Variants in SPATA13 observed in about 807,000 individuals in gnomAD.
The protein encoded by SPATA13 is spermatogenesis-associated protein 13.
SPATA13 carries 50 observed loss-of-function variants against 104.0 expected under a neutral mutation model. The ratio of observed to expected loss-of-function variants is 0.48; its 90% CI spans 0.38 to 0.61. The LOEUF (loss-of-function observed/expected upper bound fraction) is 0.61, where lower values mean the gene tolerates loss of function less well. Among genes scored for constraint, SPATA13 ranks in the 20% least tolerant of loss-of-function variants. SPATA13 has a pLI of 0.00. For synonymous variants in SPATA13, 606 were observed against 667.5 expected (o/e 0.91, Z 1.42); for missense variants, 1,524 against 1,690.6 (o/e 0.90, Z 1.73).
chr13:24,254,321 C>T (rs1033836009), intron 4 of SPATA13: 1 of 152,138 alleles, frequency 6.6e-6, no homozygotes, highest in East Asian at 1.9e-4. Flanking sequence ...CCTAAGAAGC[C>T]GCTTCTATGT....
At chr13:24,035,823 G>A (rs1318836160) in intron 3 of SPATA13, among the ~76,000 whole-genome samples, 2 of 151,996 alleles carry the variant, frequency 1.3e-5, no homozygotes, top group Non-Finnish European at 2.9e-5. Flanking sequence ...AGACCAGCCT[G>A]GCTAACATGG....
intron 10 of SPATA13, among the ~76,000 whole-genome samples, chr13:24,296,293 A>G (rs1240080394): frequency 6.6e-6 from 1 of 152,186 alleles, no homozygotes; most frequent in African/African-American, 2.4e-5. Context: ...TAGAAGAACT[A>G]TTTTGGAGTC....
At chr13:24,124,043 G>T (rs1268511730) in intron 3 of SPATA13, among the ~76,000 whole-genome samples, 1 of 152,104 alleles carries the variant, frequency 6.6e-6, no homozygotes, top group African/African-American at 2.4e-5. Context: ...TGGGCCTGGG[G>T]TCCTGGACAC....
chr13:24,249,463 T>G lies in SPATA13; in HGVS notation c.1654-14T>G. On this transcript the variant is annotated splice_polypyrimidine_tract_variant and intron_variant, in intron 2 of 12. Coordinates refer to ENST00000382108, the MANE Select transcript of SPATA13 (RefSeq NM_001166271.3). ...CTGGATATTGAGCTCACCTGACCTG[T>G]TCGCATTTGAAAGGTCGTCCCTGAT... 6.5e-7 allele frequency: 1 copy of G among 1,530,670 alleles called. No homozygotes were observed. Among genetic ancestry groups the G allele is most frequent in the Non-Finnish European group, 8.8e-7 (1 of 1,135,868 alleles). 94.8% of individuals were successfully genotyped at this position (1,530,670 alleles called of 1,614,324 possible).
At chr13:24,140,863 C>G (rs114546759) in intron 3 of SPATA13, among the ~76,000 whole-genome samples, 1 of 152,116 alleles carries the variant, frequency 6.6e-6, no homozygotes, top group Admixed American at 6.5e-5. Flanking sequence ...TTCATATAAT[C>G]GTAAAGGAGA....
intron 2 of SPATA13, among the ~76,000 whole-genome samples, chr13:24,016,821 G>A (rs1275593098): frequency 1.3e-5 from 2 of 152,370 alleles, no homozygotes; most frequent in South Asian, 2.1e-4. Flanking sequence ...GCTGCTGCAC[G>A]ATAACATGAG....
At chr13:24,053,408 A>G (rs1304169027) in intron 3 of SPATA13, among the ~76,000 whole-genome samples, 1 of 152,208 alleles carries the variant, frequency 6.6e-6, no homozygotes, top group Non-Finnish European at 1.5e-5. Flanking sequence ...GCATAACAAA[A>G]TTCGGGTAGA....
At chr13:24,145,497 C>T (rs910816710) in intron 3 of SPATA13, among the ~76,000 whole-genome samples, 3 of 152,134 alleles carry the variant, frequency 2.0e-5, no homozygotes, top group Admixed American at 6.5e-5. Context: ...GGACATAAAC[C>T]GAGTGAGCTG....
intron 3 of SPATA13, among the ~76,000 whole-genome samples, chr13:24,154,074 T>C (rs187530601): frequency 5.1e-4 from 77 of 152,228 alleles, no homozygotes; most frequent in Non-Finnish European, 8.2e-4. Context: ...TGGGGGACCA[T>C]GTAGAACTCT....
intron 3 of SPATA13, among the ~76,000 whole-genome samples, chr13:24,085,001 C>T (rs1203747883): frequency 6.6e-6 from 1 of 152,164 alleles, no homozygotes; most frequent in South Asian, 2.1e-4. Context: ...GGGCAATAAA[C>T]CCCCCTAAGT....
At chr13:24,293,206 T>A (rs1876529451) in intron 9 of SPATA13, among the ~76,000 whole-genome samples, 1 of 147,928 alleles carries the variant, frequency 6.8e-6, no homozygotes, top group Admixed American at 6.7e-5. Context: ...CTTTTTCTGA[T>A]GGAGAAATCA....
At chr13:24,012,816 T>G (rs1338925535) in intron 2 of SPATA13, among the ~76,000 whole-genome samples, 3 of 152,230 alleles carry the variant, frequency 2.0e-5, no homozygotes, top group African/African-American at 7.2e-5. Context: ...GCCCCGTGGC[T>G]GCAGACAGTG....
Position 24,222,999 on chromosome 13 carries a change from G to C in SPATA13, c.70G>C (p.Gly24Arg), listed in dbSNP as rs564986010. 1 of 1,551,250 alleles carries C rather than the reference G, an allele frequency of 6.4e-7. No individual in the cohort carries two copies. The highest frequency in any genetic ancestry group is 2.4e-5 in the East Asian group (1 of 40,890). ...ENMTTAPNGL[G>R]PGPAAPCAGS... Reference sequence around the variant, plus strand: ...CATGACCACTGCCCCAAACGGCCTCGGGCCAGGCCCCGCAGCCCCCTGTGC... The same window carrying C: ...CATGACCACTGCCCCAAACGGCCTCCGGCCAGGCCCCGCAGCCCCCTGTGC... The change falls in exon 2 of 13, where the codon GGG becomes CGG. Residue 24 changes from glycine to arginine, a missense_variant. This residue lies in a region of SPATA13 where 1,089 missense variants were observed against 1,135.9 expected (regional missense o/e 0.96). Transcript: ENST00000382108.
intron 4 of SPATA13, among the ~76,000 whole-genome samples, chr13:24,274,215 G>A (rs973605620): frequency 6.6e-6 from 1 of 152,206 alleles, no homozygotes; most frequent in Non-Finnish European, 1.5e-5. Flanking sequence ...GGCAACAAAA[G>A]GCATATGTCC....
At chr13:24,215,935 G>A (rs1364350538) in intron 1 of SPATA13, among the ~76,000 whole-genome samples, 1 of 152,198 alleles carries the variant, frequency 6.6e-6, no homozygotes. Context: ...GCAGGCATGA[G>A]GTAGTCCTAA....
chr13:24,025,147 T>C (rs752583140), intron 3 of SPATA13, among the ~76,000 whole-genome samples: 8 of 151,346 alleles, frequency 5.3e-5, no homozygotes, highest in Non-Finnish European at 1.2e-4. Flanking sequence ...TCCTTCTTTA[T>C]TATTTTACCA....
At chr13:24,125,893 G>A (rs1291048984) in intron 3 of SPATA13, among the ~76,000 whole-genome samples, 1 of 152,168 alleles carries the variant, frequency 6.6e-6, no homozygotes, top group Non-Finnish European at 1.5e-5. Flanking sequence ...AAGGCAAAAG[G>A]GGGCCCACTC....
rs564520653 is a variant in SPATA13, at chr13:24,080,744, T to C, written c.-112+63043T>C. The stretch of plus-strand genomic sequence containing the variant: ...AACAGTGTAGGGCACAGACTCATCT[T>C]CTGTGCCCTATGGCATGTGGAACGT... On this transcript the variant is annotated intron_variant, in intron 3 of 14. Transcript: ENST00000424834. 7.2e-5 allele frequency among the ~76,000 whole-genome samples: 11 copies of C among 152,342 alleles called. No individual in the cohort carries two copies. The East Asian group carries it at 2.1e-3, about 29-fold the overall frequency.
At chr13:24,200,736 C>T (rs1408551894) in intron 1 of SPATA13, among the ~76,000 whole-genome samples, 6 of 149,972 alleles carry the variant, frequency 4.0e-5, no homozygotes, top group Non-Finnish European at 8.9e-5. Flanking sequence ...CTCTTGTGCC[C>T]GAGATGAAAA....
Sources: allele counts gnomAD v4.1 joint callset (sites outside exome capture counted in the v4.1 genomes callset), GRCh38; gene constraint gnomAD v4.1.1; regional missense constraint gnomAD v4.1.1; transcripts MANE v1.5; gene names NCBI Gene and HGNC (gene_info 2026-07-23, HGNC 2026-07-21).